ADAMTS19: variants seen among roughly 807,000 people sequenced by gnomAD.
The protein encoded by ADAMTS19 is A disintegrin and metalloproteinase with thrombospondin motifs 19.
A neutral mutation model predicts 153.3 loss-of-function variants in ADAMTS19; 93 were observed. That is an observed-to-expected ratio of 0.61 (90% CI 0.51 to 0.72). The LOEUF (loss-of-function observed/expected upper bound fraction) is 0.72, where lower values mean the gene tolerates loss of function less well. Ranked by LOEUF, ADAMTS19 falls within the 30% of genes least tolerant of loss-of-function variation. ADAMTS19 has a pLI of 0.00. For missense variants in ADAMTS19, 1,482 were observed against 1,552.1 expected (o/e 0.95, Z 0.76); for synonymous variants, 600 against 556.6 (o/e 1.08, Z -1.10).
chr5:129,598,550 GAAC>G (rs1325407789), intron 8 of ADAMTS19, among the ~76,000 whole-genome samples: 6 of 152,110 alleles, frequency 3.9e-5, no homozygotes, highest in African/African-American at 7.2e-5. Context: ...CCAAGAAACA[GAAC>G]AATATCAATA....
In ADAMTS19 at chr5:129,460,426, T is replaced by TATG; in HGVS notation, c.35_36insATG (p.Cys16dup). The TATG allele has an allele frequency of 6.2e-7, 1 of 1,614,056 alleles. No homozygotes were observed. Among genetic ancestry groups the TATG allele is most frequent in the South Asian group, 1.1e-5 (1 of 91,086 alleles). Reference sequence around the variant, plus strand: ...AACCGCGAGATGCGCCTGACTCACATCTGCTGCTGCTGCCTCCTTTACCAG... The same window carrying TATG: ...AACCGCGAGATGCGCCTGACTCACATATGCTGCTGCTGCTGCCTCCTTTACCAG... On this transcript the variant is annotated inframe_insertion, in exon 1 of 23. Transcript: ENST00000274487.
At chr5:129,553,293 C>T (rs1753197671) in intron 7 of ADAMTS19, among the ~76,000 whole-genome samples, 1 of 152,068 alleles carries the variant, frequency 6.6e-6, no homozygotes, top group African/African-American at 2.4e-5. Context: ...TCTTTATAGC[C>T]TGTAAGCAGC....
At chr5:129,686,222 T>C (rs1581226474) in intron 18 of ADAMTS19, among the ~76,000 whole-genome samples, 1 of 152,038 alleles carries the variant, frequency 6.6e-6, no homozygotes, top group Middle Eastern at 3.2e-3. Flanking sequence ...GTGAGTATGA[T>C]AAAGTAAGAG....
intron 8 of ADAMTS19, among the ~76,000 whole-genome samples, chr5:129,608,824 T>C (rs1751053136): frequency 8.1e-6 from 1 of 122,946 alleles, no homozygotes; most frequent in South Asian, 2.5e-4. Flanking sequence ...TCCAGCCTGG[T>C]CAATACAGCA....
At chr5:129,566,455 A>G (rs1753712983) in intron 7 of ADAMTS19, among the ~76,000 whole-genome samples, 2 of 152,188 alleles carry the variant, frequency 1.3e-5, no homozygotes, top group South Asian at 2.1e-4. Context: ...AGAATGGAAC[A>G]CCTGTTTGAG....
At chr5:129,606,633 T>A (rs1750908930) in intron 8 of ADAMTS19, among the ~76,000 whole-genome samples, 1 of 152,238 alleles carries the variant, frequency 6.6e-6, no homozygotes, top group Admixed American at 6.5e-5. Flanking sequence ...ACTTAATGAA[T>A]GAATTTGAAA....
rs539522505 is a variant in ADAMTS19 at position 129,605,235 on chromosome 5, A to G, written c.1478+8571A>G. Reference sequence around the variant, plus strand: ...CTGGCTTCTTTACTCAGAACCTTCCAAGAGCTTCCTGGTTCACTCTGTAAA... The same window carrying G: ...CTGGCTTCTTTACTCAGAACCTTCCGAGAGCTTCCTGGTTCACTCTGTAAA... On this transcript the variant is annotated intron_variant, in intron 8 of 22. Transcript: ENST00000274487. 3.9e-5 allele frequency among the ~76,000 whole-genome samples: 6 copies of G among 152,296 alleles called. No homozygotes were observed. In the South Asian group the frequency reaches 1.2e-3, roughly 32 times the overall value.
At chr5:129,562,258 CA>C (rs1561572644) in intron 7 of ADAMTS19, among the ~76,000 whole-genome samples, 1 of 152,126 alleles carries the variant, frequency 6.6e-6, no homozygotes, top group Non-Finnish European at 1.5e-5. Context: ...TTTTGTTACA[CA>C]AAAATATTTT....
At chr5:129,620,367 C>T (rs1365149738) in intron 8 of ADAMTS19, among the ~76,000 whole-genome samples, 1 of 151,786 alleles carries the variant, frequency 6.6e-6, no homozygotes, top group Non-Finnish European at 1.5e-5. Context: ...AGGACCTAAA[C>T]ATGTCATTTT....
intron 10 of ADAMTS19, among the ~76,000 whole-genome samples, chr5:129,631,564 A>C (rs564586110): frequency 1.3e-5 from 2 of 152,032 alleles, no homozygotes; most frequent in African/African-American, 4.8e-5. Context: ...TTCTTGATGC[A>C]TTATGTCTTC....
intron 2 of ADAMTS19, among the ~76,000 whole-genome samples, chr5:129,483,380 A>G (rs1407778742): frequency 6.6e-6 from 1 of 152,208 alleles, no homozygotes; most frequent in African/African-American, 2.4e-5. Flanking sequence ...AAATTATTCC[A>G]GAGCTGGGTT....
intron 2 of ADAMTS19, among the ~76,000 whole-genome samples, chr5:129,502,435 A>G (rs1751136136): frequency 6.6e-6 from 1 of 152,220 alleles, no homozygotes; most frequent in African/African-American, 2.4e-5. Context: ...AACTCTCTGT[A>G]TAATTTTAGG....
At chr5:129,543,995 T>G (rs1752757210) in intron 6 of ADAMTS19, among the ~76,000 whole-genome samples, 1 of 152,198 alleles carries the variant, frequency 6.6e-6, no homozygotes, top group South Asian at 2.1e-4. Context: ...ATGTTTTATC[T>G]TCTCTCTTTT....
chr5:129,600,482 A>G (rs1750594336), intron 8 of ADAMTS19, among the ~76,000 whole-genome samples: 1 of 152,216 alleles, frequency 6.6e-6, no homozygotes, highest in South Asian at 2.1e-4. Flanking sequence ...CACATATAAA[A>G]TGTTTATAAA....
At chr5:129,568,598 T>A (rs532834032) in intron 7 of ADAMTS19, among the ~76,000 whole-genome samples, 9 of 152,054 alleles carry the variant, frequency 5.9e-5, no homozygotes, top group Admixed American at 1.3e-4. Flanking sequence ...GGCTGGTGGA[T>A]CACTTGAGGC....
chr5:129,640,827 T>C (rs1391909687), intron 10 of ADAMTS19, among the ~76,000 whole-genome samples: 1 of 151,084 alleles, frequency 6.6e-6, no homozygotes, highest in African/African-American at 2.4e-5. Context: ...TCAACTTACT[T>C]TTTTTTTTCT....
At chr5:129,550,759 G>C (rs771859873) in intron 6 of ADAMTS19, among the ~76,000 whole-genome samples, 11 of 151,298 alleles carry the variant, frequency 7.3e-5, no homozygotes, top group Admixed American at 2.0e-4. Context: ...GTAACAGAGA[G>C]GAAATTTTTT....
intron 15 of ADAMTS19, among the ~76,000 whole-genome samples, chr5:129,662,182 C>T (rs17163171): frequency 0.13 from 19,443 of 152,144 alleles, 1,671 homozygotes; most frequent in African/African-American, 0.24. Flanking sequence ...TTTGTTACTT[C>T]GCTGTTGCCA....
chr5:129,723,262 GTA>G (rs981976358), intron 21 of ADAMTS19, among the ~76,000 whole-genome samples: 20 of 152,156 alleles, frequency 1.3e-4, no homozygotes, highest in African/African-American at 4.8e-4. Flanking sequence ...CTTCCCCCAG[GTA>G]TTTCCCTTTC....
Sources: gnomAD v4.1 joint callset for allele counts (sites outside exome capture counted in the v4.1 genomes callset) on GRCh38, gnomAD v4.1.1 for gene constraint, MANE v1.5 for transcripts, NCBI Gene and HGNC (gene_info 2026-07-23, HGNC 2026-07-21) for gene names.